Variants in DIAPH2 observed in about 807,000 individuals in gnomAD.
DIAPH2 encodes diaphanous related formin 2.
DIAPH2 carries 35 observed loss-of-function variants against 92.7 expected under a neutral mutation model. The ratio of observed to expected loss-of-function variants is 0.38; its 90% CI spans 0.29 to 0.50. The LOEUF is 0.50. DIAPH2 is among the 20% of genes least tolerant of loss of function. The pLI is 0.94. For missense variants in DIAPH2, 701 were observed against 819.5 expected (o/e 0.86, Z 1.77); for synonymous variants, 301 against 280.4 (o/e 1.07, Z -0.73).
chrX:96,738,472 G>C (rs2064100438), intron 2 of DIAPH2, 114 bp from the exon 3 acceptor site: 2 of 556,101 alleles, frequency 3.6e-6, no homozygotes, highest in South Asian at 9.9e-5. Context: ...TATTTTGTCA[G>C]AAGACAATAA....
At chrX:97,041,272 C>T (rs1231273033) in intron 17 of DIAPH2, among the ~76,000 whole-genome samples, 1 of 111,328 alleles carries the variant, frequency 9.0e-6, no homozygotes, top group Non-Finnish European at 1.9e-5. Context: ...AGGGAATAAC[C>T]TTTGCTGACA....
intron 26 of DIAPH2, among the ~76,000 whole-genome samples, chrX:97,589,743 T>C (rs772307160): frequency 1.8e-5 from 2 of 112,448 alleles, no homozygotes; most frequent in South Asian, 3.7e-4. Context: ...TGAGACATCT[T>C]ATATGAGAAG....
At chrX:97,178,331 T>A (rs1191859272) in intron 22 of DIAPH2, among the ~76,000 whole-genome samples, 1 of 110,758 alleles carries the variant, frequency 9.0e-6, no homozygotes, top group Non-Finnish European at 1.9e-5. Flanking sequence ...GAAAAAAAGA[T>A]AATTGTTTTG....
intron 4 of DIAPH2, among the ~76,000 whole-genome samples, chrX:96,831,166 C>T (rs1262467298): frequency 9.0e-6 from 1 of 111,267 alleles, no homozygotes; most frequent in Non-Finnish European, 1.9e-5. Context: ...AGGTTTTTTA[C>T]GTGACTTTTT....
chrX:97,459,886 T>C (rs1025168585), intron 26 of DIAPH2, among the ~76,000 whole-genome samples: 2 of 111,744 alleles, frequency 1.8e-5, no homozygotes, highest in African/African-American at 6.5e-5. Flanking sequence ...GGGCAAGTTA[T>C]TTAACCTATG....
rs759030203 is a variant in DIAPH2 at position 97,456,250 on chromosome X, G to A, written c.3241+26505G>A. Among the ~76,000 whole-genome samples the A allele has an allele frequency of 6.3e-5, 7 of 111,288 alleles. No individual in the cohort carries two copies. The East Asian group carries it at 2.0e-3, about 31-fold the overall frequency. On this transcript the variant is annotated intron_variant, in intron 26 of 26. Coordinates refer to ENST00000324765, the MANE Select transcript of DIAPH2 (RefSeq NM_006729.5). ...AAAATACAAAAAATTAGCCGGGCGT[G>A]GTGGCGGGCGCCTGTAGTCCCAGCT...
intron 26 of DIAPH2, among the ~76,000 whole-genome samples, chrX:97,516,454 A>G (rs1235362205): frequency 8.9e-6 from 1 of 111,734 alleles, no homozygotes; most frequent in Non-Finnish European, 1.9e-5. Context: ...ATGATGTTCT[A>G]TAGGTTTCAT....
intron 25 of DIAPH2, among the ~76,000 whole-genome samples, chrX:97,427,852 A>G (rs1013281484): frequency 1.8e-5 from 2 of 109,545 alleles, no homozygotes; most frequent in African/African-American, 6.7e-5. Context: ...ATGCCTGGCT[A>G]ATTTTTATAT....
intron 22 of DIAPH2, among the ~76,000 whole-genome samples, chrX:97,169,357 G>A (rs1388903901): frequency 2.7e-5 from 3 of 111,376 alleles, no homozygotes; most frequent in African/African-American, 9.8e-5. Flanking sequence ...ACTTTGAGAT[G>A]GTAAGGCGAT....
In DIAPH2 at chrX:96,945,517, A is replaced by G. The variant is rs2065733103; in HGVS notation, c.1445-10A>G. The stretch of plus-strand genomic sequence containing the variant: ...CATAATTTCGAATCACTTTTGTTTG[A>G]TCTTAATAGATTCTTGTGTGAACAA... On this transcript the variant is annotated splice_polypyrimidine_tract_variant and intron_variant, in intron 13 of 26. Transcript: ENST00000324765. 1 of 1,165,872 alleles carries G rather than the reference A, an allele frequency of 8.6e-7. No individual in the cohort carries two copies. The highest frequency in any genetic ancestry group is 1.1e-6 in the Non-Finnish European group (1 of 875,853).
chrX:97,226,920 G>C (rs1297594861), intron 22 of DIAPH2, among the ~76,000 whole-genome samples: 1 of 111,038 alleles, frequency 9.0e-6, no homozygotes, highest in Non-Finnish European at 1.9e-5. Flanking sequence ...AATCAGAATT[G>C]ACAAAACATG....
chrX:97,443,013 C>T (rs2070275006), intron 26 of DIAPH2, among the ~76,000 whole-genome samples: 1 of 111,127 alleles, frequency 9.0e-6, no homozygotes, highest in Admixed American at 9.6e-5. Flanking sequence ...CCCTCAACCC[C>T]ACCCCCAGCC....
intron 22 of DIAPH2, among the ~76,000 whole-genome samples, chrX:97,221,385 G>A (rs986492121): frequency 9.0e-6 from 1 of 111,555 alleles, no homozygotes; most frequent in Non-Finnish European, 1.9e-5. Flanking sequence ...ATATAAAATA[G>A]CATTTTTTTG....
intron 25 of DIAPH2, among the ~76,000 whole-genome samples, chrX:97,427,682 TTTTG>T (rs1437387726): frequency 5.5e-5 from 6 of 109,366 alleles, no homozygotes; most frequent in African/African-American, 2.0e-4. Context: ...TTGTTTTTGT[TTTTG>T]TTTTTGTTTT....
chrX:97,283,253 A>G (rs1335944550), intron 23 of DIAPH2, among the ~76,000 whole-genome samples: 1 of 112,094 alleles, frequency 8.9e-6, no homozygotes, highest in East Asian at 2.8e-4. Flanking sequence ...TCACAAACAC[A>G]TGAAACTATT....
intron 22 of DIAPH2, among the ~76,000 whole-genome samples, chrX:97,165,709 G>A (rs1389383259): frequency 9.3e-6 from 1 of 107,435 alleles, no homozygotes; most frequent in Non-Finnish European, 1.9e-5. Context: ...CATTATGTTG[G>A]CCAGGCTGGT....
At chrX:97,308,984 C>T (rs1450430527) in intron 23 of DIAPH2, among the ~76,000 whole-genome samples, 1 of 107,449 alleles carries the variant, frequency 9.3e-6, no homozygotes, top group Non-Finnish European at 1.9e-5. Context: ...TGCCATTGCA[C>T]TCCAGCCTGG....
At chrX:96,977,593 T>G (rs1400358934) in intron 17 of DIAPH2, among the ~76,000 whole-genome samples, 4 of 112,212 alleles carry the variant, frequency 3.6e-5, no homozygotes, top group Admixed American at 9.4e-5. Context: ...ATATATAGAT[T>G]AAGCACAATA....
intron 4 of DIAPH2, among the ~76,000 whole-genome samples, chrX:96,783,581 G>C (rs772426431): frequency 1.3e-4 from 15 of 112,202 alleles, no homozygotes; most frequent in Non-Finnish European, 2.3e-4. Context: ...ATTTCAGCAG[G>C]TCAAGGAGTA....
Sources: gnomAD v4.1 joint callset for allele counts (sites outside exome capture counted in the v4.1 genomes callset) on GRCh38, gnomAD v4.1.1 for gene constraint, MANE v1.5 for transcripts, NCBI Gene and HGNC (gene_info 2026-07-23, HGNC 2026-07-21) for gene names.